The following KMT2D variants were observed in gnomAD, a reference collection of about 807,000 sequenced individuals.
KMT2D encodes histone-lysine N-methyltransferase 2D.
KMT2D carries 55 observed loss-of-function variants against 512.7 expected under a neutral mutation model. The ratio of observed to expected loss-of-function variants is 0.11; its 90% CI spans 0.09 to 0.13. KMT2D has a LOEUF of 0.13. KMT2D is among the 10% of genes least tolerant of loss of function. KMT2D has a pLI of 1.00. For missense variants in KMT2D, 6,061 were observed against 7,127.9 expected, an observed-to-expected ratio of 0.85 and a Z score of 5.39; for synonymous variants, 2,995 against 2,904.0, an observed-to-expected ratio of 1.03 and a Z score of -1.01.
rs943690439 is a variant in KMT2D at position 49,026,634 on chromosome 12, T to C, written c.15332A>G (p.Asn5111Ser). The C allele has an allele frequency of 5.6e-6, 9 of 1,613,972 alleles. No individual in the cohort carries two copies. Among genetic ancestry groups the C allele is most frequent in the African/African-American group, 1.3e-5 (1 of 75,036 alleles). The change falls in exon 49 of 55, where the codon AAT (asparagine) becomes AGT (serine). Residue 5111 changes from asparagine to serine, a missense_variant. By Grantham distance (46) the Asn-to-Ser change is conservative. Transcript: ENST00000301067. The surrounding 1 kb of genome is among the most constrained non-coding windows in gnomAD (Gnocchi z 9.6). The stretch of plus-strand genomic sequence containing the variant: ...GATGGCACAAGCAAAATGGTAGACA[T>C]TGGGGCAACGCATGCGATTGCAGCT... ...TSSCNRMRCP[N>S]VYHFACAIRA...
At position 49,034,886 on chromosome 12, in the gene KMT2D, G is replaced by A. The variant is rs143953984; in HGVS notation, c.10281C>T (p.Ala3427=). Residue 3427 remains alanine (A), a synonymous_variant, in exon 36 of 55, where the codon GCC becomes GCT. Coordinates refer to ENST00000301067, the MANE Select transcript of KMT2D (RefSeq NM_003482.4). ...AEDIIDPIAK[A]KMVALKGIKK... ...TGATGCCTTTCAAAGCCACCATCTT[G>A]GCCTTTGCAATGGGATCAATGATAT... 1.9e-6 allele frequency: 3 copies of A among 1,613,840 alleles called. No individual in the cohort carries two copies. Among genetic ancestry groups the A allele is most frequent in the Non-Finnish European group, 2.5e-6 (3 of 1,179,904 alleles).
rs2120567176 is a variant in KMT2D at position 49,043,353 on chromosome 12, C to T, written c.5533+10G>A. On this transcript the variant is annotated intron_variant, in intron 25 of 54. Transcript: ENST00000301067. Reference sequence around the variant, plus strand: ...CCAAGACAGGACACAGTAACCCCGGCAGCCCTCACCTGGTGTATCGGCTTT... The same window carrying T: ...CCAAGACAGGACACAGTAACCCCGGTAGCCCTCACCTGGTGTATCGGCTTT... The T allele has an allele frequency of 6.2e-7, 1 of 1,613,574 alleles. No homozygotes were observed. Among genetic ancestry groups the T allele is most frequent in the Non-Finnish European group, 8.5e-7 (1 of 1,179,502 alleles).
rs2137715040 is a variant in KMT2D at position 49,026,265 on chromosome 12, T to C, written c.15701A>G (p.Glu5234Gly). Residue 5234 changes from glutamate to glycine, a missense_variant, in exon 49 of 55, where the codon GAG (glutamate) becomes GGG (glycine). By Grantham distance (98) the Glu-to-Gly change is moderately conservative. This residue lies in a region of KMT2D where 261 missense variants were observed against 440.7 expected (regional missense o/e 0.59). Coordinates refer to ENST00000301067, the MANE Select transcript of KMT2D (RefSeq NM_003482.4). The surrounding 1 kb of genome is among the most constrained non-coding windows in gnomAD (Gnocchi z 9.6). Reference protein sequence around the residue: ...RRCCYRCSIGENNGRPEFVIK... With the variant: ...RRCCYRCSIGGNNGRPEFVIK... ...TACAAACTCCGGCCGCCCGTTGTTC[T>C]CACCAATAGAACAGCGATAGCAGCA... 6.2e-7 allele frequency: 1 copy of C among 1,608,782 alleles called. No homozygotes were observed. The highest frequency in any genetic ancestry group is 1.1e-5 in the South Asian group (1 of 91,022).
chr12:49,052,799 A>ATGG (rs1938157680), intron 9 of KMT2D, 90 bp from the exon 10 acceptor site: 1 of 1,577,524 alleles, frequency 6.3e-7, no homozygotes, highest in Non-Finnish European at 8.7e-7. Flanking sequence ...AATGCTGTGG[A>ATGG]TGGCACTGCC....
rs1431930434 is a variant in KMT2D, at chr12:49,022,944, T to C, written c.16053-69A>G. 1.4e-6 allele frequency: 2 copies of C among 1,444,754 alleles called. No individual in the cohort carries two copies. Among genetic ancestry groups the C allele is most frequent in the Non-Finnish European group, 1.9e-6 (2 of 1,078,350 alleles). 89.5% of individuals were successfully genotyped at this position (1,444,754 alleles called of 1,614,324 possible). On this transcript the variant is annotated intron_variant, in intron 51 of 54. Transcript: ENST00000301067. This position sits in a 1 kb window ranked among gnomAD's most constrained non-coding sequence, Gnocchi z 8.6. ...CCAAGTACATACCACCCACCTCCTCTGCCACCTCCTGGGATGTGCAACACA... is the reference window on the plus strand; with the variant it reads ...CCAAGTACATACCACCCACCTCCTCCGCCACCTCCTGGGATGTGCAACACA...
chr12:49,019,168 T>G lies in KMT2D; in HGVS notation c.*2612A>C. ...CGCTTTAAAAAAGGGAACCATTTCA[T>G]CCGTTGTTACGAAGGACCAACCTTG... On this transcript the variant is annotated 3_prime_UTR_variant, in exon 55 of 55. Coordinates refer to ENST00000301067, the MANE Select transcript of KMT2D (RefSeq NM_003482.4). The G allele has an allele frequency of 8.9e-7, 1 of 1,119,234 alleles. No homozygotes were observed. The highest frequency in any genetic ancestry group is 1.1e-6 in the Non-Finnish European group (1 of 910,032). 69.3% of individuals were successfully genotyped at this position (1,119,234 alleles called of 1,614,324 possible).
rs768532619 is a variant in KMT2D at position 49,040,384 on chromosome 12, T to C, written c.7386A>G (p.Pro2462=). The C allele has an allele frequency of 3.1e-5, 49 of 1,565,442 alleles. No individual in the cohort carries two copies. Among genetic ancestry groups the C allele is most frequent in the Non-Finnish European group, 4.1e-5 (47 of 1,155,088 alleles). Residue 2462 remains proline (P), a synonymous_variant, in exon 32 of 55, where the codon CCA becomes CCG. Coordinates refer to ENST00000301067, the MANE Select transcript of KMT2D (RefSeq NM_003482.4). The stretch of plus-strand genomic sequence containing the variant: ...GGGGTGGCTTATGCAATGGGGCAAA[T>C]GGGTCACGGGACTGAGGGCGTGAGG... ...RPPSRPQSRD[P]FAPLHKPPRP...
rs2120544208 is a variant in KMT2D, at chr12:49,041,267, G to A, written c.6503C>T (p.Pro2168Leu). 6.6e-7 allele frequency: 1 copy of A among 1,517,866 alleles called. No individual in the cohort carries two copies. The highest frequency in any genetic ancestry group is 8.8e-7 in the Non-Finnish European group (1 of 1,137,072). 94.0% of individuals were successfully genotyped at this position (1,517,866 alleles called of 1,614,324 possible). A position where few individuals can be genotyped will look rare whatever the true frequency, so the allele number is the denominator to read the frequency against. Reference sequence around the variant, plus strand: ...GGGGTCCTGCGAAGGCACTTGGGCGGGCACCTGGGGTGGGAGCTTGAGGAA... The same window carrying A: ...GGGGTCCTGCGAAGGCACTTGGGCGAGCACCTGGGGTGGGAGCTTGAGGAA... ...ELFLKLPPQV[P>L]AQVPSQDPFG... is the part of the protein sequence containing the mutation. Residue 2168 changes from proline (P) to leucine (L), a missense_variant, in exon 32 of 55, where the codon CCC becomes CTC. Pro to Leu is a moderately conservative substitution (Grantham distance 98). Around this residue, in one of 16 missense-constraint regions of KMT2D, gnomAD observed 710 missense variants for 647.3 expected, o/e 1.10. Transcript: ENST00000301067. The surrounding 1 kb of genome is among the most constrained non-coding windows in gnomAD (Gnocchi z 5.4).
Position 49,036,552 on chromosome 12 carries a change from G to A in KMT2D, c.10231+573C>T, listed in dbSNP as rs567399926. Reference sequence around the variant, plus strand: ...TGCCCAGGCTGGAGTGCAATGAGGCGATCTCGGCTCACCACAACCTCTGCC... The same window carrying A: ...TGCCCAGGCTGGAGTGCAATGAGGCAATCTCGGCTCACCACAACCTCTGCC... On this transcript the variant is annotated intron_variant, in intron 35 of 54. Coordinates refer to ENST00000301067, the MANE Select transcript of KMT2D (RefSeq NM_003482.4). Among the ~76,000 whole-genome samples, 8 of 143,508 alleles carry A rather than the reference G, an allele frequency of 5.6e-5. No homozygotes were observed. In the East Asian group the frequency reaches 6.2e-4, roughly 11 times the overall value. 94.1% of individuals were successfully genotyped at this position (143,508 alleles called of 152,430 possible).
At position 49,021,600 on chromosome 12, in the gene KMT2D, T is replaced by G; in HGVS notation, c.*180A>C. 1.7e-6 allele frequency: 1 copy of G among 586,890 alleles called. No homozygotes were observed. The allele number at this position is 586,890 out of a possible 1,614,324, so 36.4% of individuals were successfully genotyped here. A position where few individuals can be genotyped will look rare whatever the true frequency, so the allele number is the denominator to read the frequency against. On this transcript the variant is annotated 3_prime_UTR_variant, in exon 55 of 55. Transcript: ENST00000301067. The stretch of plus-strand genomic sequence containing the variant: ...TGGTGGGGAAGAGGATTGTCCCTGG[T>G]GCCCAGGGTGGGCTTGGCCTAGGGC...
rs1938309263 is a variant in KMT2D at position 49,054,804 on chromosome 12, C to G, written c.177-53G>C. ...GCCAGGCCCCCAGCAACCCCATGAT[C>G]TGGCATGCCCATGCTTCCCCAACAC... On this transcript the variant is annotated intron_variant, in intron 3 of 54. Coordinates refer to ENST00000301067, the MANE Select transcript of KMT2D (RefSeq NM_003482.4). The surrounding 1 kb of genome is among the most constrained non-coding windows in gnomAD (Gnocchi z 6.4). 8 of 1,605,632 alleles carry G rather than the reference C, an allele frequency of 5.0e-6. No homozygotes were observed. The highest frequency in any genetic ancestry group is 6.8e-6 in the Non-Finnish European group (8 of 1,173,178).
Position 49,042,288 on chromosome 12 carries a change from G to T in KMT2D, c.5910C>A (p.Asp1970Glu). ...GFFSPEPGEPDSPWTGSGGTT... is the reference protein window; with the variant it reads ...GFFSPEPGEPESPWTGSGGTT... ...TGCCACCTGAGCCCGTCCAGGGGCT[G>T]TCGGGCTCACCGGGTTCCGGGCTAA... The change falls in exon 29 of 55, where the codon GAC becomes GAA. Residue 1970 changes from aspartate to glutamate, a missense_variant. Transcript: ENST00000301067. The surrounding 1 kb of genome is among the most constrained non-coding windows in gnomAD (Gnocchi z 4.4). 6.4e-7 allele frequency: 1 copy of T among 1,564,072 alleles called. No homozygotes were observed. Among genetic ancestry groups the T allele is most frequent in the South Asian group, 1.2e-5 (1 of 85,932 alleles).
At chr12:49,029,556 A>G in intron 43 of KMT2D, 80 bp from the exon 44 acceptor site, 1 of 1,024,660 alleles carries the variant, frequency 9.8e-7, no homozygotes, top group South Asian at 1.4e-5. Context: ...TTTTAGGCCT[A>G]ATTAGCATGA....
Position 49,040,572 on chromosome 12 carries a change from G to C in KMT2D, c.7198C>G (p.Pro2400Ala), listed in dbSNP as rs35111108. Residue 2400 changes from proline (P) to alanine (A), a missense_variant, in exon 32 of 55, where the codon CCT (proline) becomes GCT (alanine). By Grantham distance (27) the Pro-to-Ala change is conservative (BLOSUM62 -1). Transcript: ENST00000301067. ...AAAGGGTCGGAGGGCAGTGAGCGAG[G>C]GGGCAGAGCACAGCAGCTCTCAGGG... ...PPPESCCALP[P>A]RSLPSDPFSR... 149 of 1,613,108 alleles carry C rather than the reference G, an allele frequency of 9.2e-5. No homozygotes were observed. The highest frequency in any genetic ancestry group is 1.2e-4 in the Non-Finnish European group (142 of 1,179,326).
chr12:49,025,397 TATGTCTAG>T (rs1363408688), intron 49 of KMT2D, among the ~76,000 whole-genome samples: 2 of 152,248 alleles, frequency 1.3e-5, no homozygotes, highest in African/African-American at 4.8e-5. Flanking sequence ...GTATCTTTTC[TATGTCTAG>T]ATGCACATAC....
chr12:49,034,552 A>C (rs368111291), intron 37 of KMT2D, 30 bp downstream of exon 37: 34 of 1,612,436 alleles, frequency 2.1e-5, no homozygotes, highest in Non-Finnish European at 2.7e-5. Context: ...GGCATAAGAC[A>C]CAAGTTCCTA....
chr12:49,048,513 C>G, intron 14 of KMT2D, 146 bp downstream of exon 14: 1 of 619,700 alleles, frequency 1.6e-6, no homozygotes, highest in Admixed American at 2.5e-5. Flanking sequence ...GATGGATGGA[C>G]AAACCAATGA....
Position 49,052,423 on chromosome 12 carries a change from C to T in KMT2D, c.1260G>A (p.Gly420=). The change falls in exon 11 of 55, where the codon GGG becomes GGA. Residue 420 remains glycine (G), a splice_region_variant and synonymous_variant. Transcript: ENST00000301067. The part of the protein sequence containing the change: ...GPLQCEAKPL[G]KAGVQLEPQL... ...GGGGCTCAAGTTGGACCCCTGCTTT[C>T]CCTGCAGACACAACAACACGATGCT... 1 of 1,541,550 alleles carries T rather than the reference C, an allele frequency of 6.5e-7. No homozygotes were observed. Among genetic ancestry groups the T allele is most frequent in the Non-Finnish European group, 8.7e-7 (1 of 1,143,612 alleles).
At chr12:49,058,299 T>A (rs757885877) in intron 1 of KMT2D, among the ~76,000 whole-genome samples, 1 of 152,234 alleles carries the variant, frequency 6.6e-6, no homozygotes, top group African/African-American at 2.4e-5. Context: ...CTCCATAGAA[T>A]GCCGGAGTGG....
Sources: gnomAD v4.1 joint callset for allele counts (sites outside exome capture counted in the v4.1 genomes callset) on GRCh38, gnomAD v4.1.1 for gene constraint, gnomAD v4.1.1 regional missense constraint, Gnocchi (gnomAD v3.1) non-coding constraint, MANE v1.5 for transcripts, NCBI Gene and HGNC (gene_info 2026-07-23, HGNC 2026-07-21) for gene names.